Variants in CDADC1 observed in about 807,000 individuals in gnomAD.
The protein encoded by CDADC1 is cytidine and dCMP deaminase domain containing 1.
CDADC1 carries 39 observed loss-of-function variants against 54.9 expected under a neutral mutation model. The observed-to-expected ratio is 0.71, with a 90% CI of 0.55 to 0.93. The LOEUF is 0.93. Ranked by LOEUF, CDADC1 falls within the 40% of genes least tolerant of loss-of-function variation. The probability of loss-of-function intolerance (pLI) is 0.00; values close to 1 mark genes in which losing one functional copy is unlikely to be tolerated. For synonymous variants in CDADC1, 186 were observed against 204.0 expected (o/e 0.91, Z 0.75); for missense variants, 518 against 618.8 (o/e 0.84, Z 1.73).
intron 4 of CDADC1, among the ~76,000 whole-genome samples, chr13:49,263,146 T>C (rs981261069): frequency 3.3e-5 from 5 of 152,186 alleles, no homozygotes; most frequent in African/African-American, 1.2e-4. Flanking sequence ...GAACTGACAA[T>C]GGTTAGTTAG....
chr13:49,265,900 T>C, intron 4 of CDADC1: 8 of 1,303,180 alleles, frequency 6.1e-6, no homozygotes, highest in South Asian at 3.7e-5. Flanking sequence ...GCAGCTAAGA[T>C]GCCTAGATGA....
At position 49,259,541 on chromosome 13, in the gene CDADC1, T is replaced by G. The variant is rs190853335; in HGVS notation, c.430+18T>G. 1 of 1,610,926 alleles carries G rather than the reference T, an allele frequency of 6.2e-7. No individual in the cohort carries two copies. Among genetic ancestry groups the G allele is most frequent in the African/African-American group, 1.3e-5 (1 of 74,886 alleles). ...TGTAAATGGTAAGTGCAGAAAAGGG[T>G]TTGTTGGGGATTAAGAGTATTTATC... is the stretch of plus-strand genomic sequence containing the variant. On this transcript the variant is annotated intron_variant, in intron 4 of 9. Coordinates refer to ENST00000251108, the MANE Select transcript of CDADC1 (RefSeq NM_030911.4).
chr13:49,249,104 C>T (rs1381502064), intron 2 of CDADC1, 139 bp downstream of exon 2: 3 of 611,842 alleles, frequency 4.9e-6, no homozygotes, highest in Non-Finnish European at 8.7e-6. Flanking sequence ...ATTAACATGA[C>T]ACTTTATAAT....
intron 6 of CDADC1, among the ~76,000 whole-genome samples, chr13:49,277,064 G>GACCCTAGACAATTA (rs1362996916): frequency 1.3e-5 from 2 of 152,144 alleles, no homozygotes; most frequent in African/African-American, 4.8e-5. Context: ...CTCATTTTGT[G>GACCCTAGACAATTA]ACCCTAGACA....
chr13:49,275,689 TTATATATATATATA>T (rs371106804), intron 6 of CDADC1, among the ~76,000 whole-genome samples: 1,283 of 43,044 alleles, frequency 0.03, 58 homozygotes, highest in Admixed American at 0.041. Flanking sequence ...TTTCTAGGTG[TTATATATATATATA>T]TATATATATA....
chr13:49,259,456 G>T lies in CDADC1; in HGVS notation c.363G>T (p.Arg121Ser), dbSNP rs1298922055. 3.1e-6 allele frequency: 5 copies of T among 1,613,950 alleles called. No individual in the cohort carries two copies. The highest frequency in any genetic ancestry group is 4.2e-6 in the Non-Finnish European group (5 of 1,179,990). The stretch of plus-strand genomic sequence containing the variant: ...TTGCTCTTATTAAACATGGGTCAAG[G>T]CTGAAAAACTGTGATCTTTATTTTT... Reference protein sequence around the residue: ...GQIALIKHGSRLKNCDLYFSR... With the variant: ...GQIALIKHGSSLKNCDLYFSR... The change falls in exon 4 of 10, where the codon AGG (arginine) becomes AGT (serine). Residue 121 changes from arginine (R) to serine (S), a missense_variant. Coordinates refer to ENST00000251108, the MANE Select transcript of CDADC1 (RefSeq NM_030911.4).
At chr13:49,254,128 T>C (rs1952491509) in intron 2 of CDADC1, among the ~76,000 whole-genome samples, 1 of 152,176 alleles carries the variant, frequency 6.6e-6, no homozygotes, top group African/African-American at 2.4e-5. Flanking sequence ...GCAGTAGATG[T>C]TAGGTACTGT....
chr13:49,259,046 G>C (rs535809224), intron 3 of CDADC1, among the ~76,000 whole-genome samples: 2 of 152,216 alleles, frequency 1.3e-5, no homozygotes, highest in African/African-American at 4.8e-5. Flanking sequence ...AAGTCAAATT[G>C]ATCTAGTTCT....
At chr13:49,291,152 G>C (rs1432076800) in intron 9 of CDADC1, among the ~76,000 whole-genome samples, 1 of 145,068 alleles carries the variant, frequency 6.9e-6, no homozygotes, top group African/African-American at 2.5e-5. Context: ...GTACACTGTT[G>C]AGTGAATTCA....
At chr13:49,259,579 G>A in intron 4 of CDADC1, 56 bp downstream of exon 4, 4 of 1,534,964 alleles carry the variant, frequency 2.6e-6, no homozygotes, top group Non-Finnish European at 3.6e-6. Flanking sequence ...GGATGGGCGT[G>A]GTGGTTTATG....
rs149094371 is a variant in CDADC1 at position 49,268,549 on chromosome 13, C to T, written c.1000+490C>T. On this transcript the variant is annotated intron_variant, in intron 5 of 9. Coordinates refer to ENST00000251108, the MANE Select transcript of CDADC1 (RefSeq NM_030911.4). ...GTCTGGTGGTGCGTGCCTATAGTCC[C>T]GGCTACTTGGGAGGCTAAAGCAGGA... is the stretch of plus-strand genomic sequence containing the variant. Among the ~76,000 whole-genome samples the T allele has an allele frequency of 4.7e-3, 713 of 152,082 alleles. 4 individuals are homozygous for T. Among genetic ancestry groups the T allele is most frequent in the African/African-American group, 0.016 (652 of 41,480 alleles).
intron 8 of CDADC1, among the ~76,000 whole-genome samples, chr13:49,282,236 G>GGTTTTTTTTTTT (rs1555315245): frequency 4.2e-5 from 4 of 94,146 alleles, no homozygotes; most frequent in Admixed American, 1.2e-4. Flanking sequence ...GTTTTTGTGG[G>GGTTTTTTTTTTT]TTTTTTTTTT....
intron 5 of CDADC1, among the ~76,000 whole-genome samples, chr13:49,270,153 G>A (rs1019383413): frequency 6.6e-6 from 1 of 152,168 alleles, no homozygotes; most frequent in Non-Finnish European, 1.5e-5. Context: ...TTTATCCAAA[G>A]ATAAAGGGTC....
intron 4 of CDADC1, among the ~76,000 whole-genome samples, chr13:49,265,482 T>C (rs1245335487): frequency 6.6e-6 from 1 of 152,216 alleles, no homozygotes; most frequent in Non-Finnish European, 1.5e-5. Context: ...TCCACTCTTC[T>C]TAATTTTCCA....
chr13:49,260,875 T>C (rs1256001276), intron 4 of CDADC1, among the ~76,000 whole-genome samples: 1 of 152,056 alleles, frequency 6.6e-6, no homozygotes, highest in African/African-American at 2.4e-5. Flanking sequence ...AGAGGAGAAA[T>C]AGTGATCCCT....
chr13:49,248,074 G>T lies in CDADC1; in HGVS notation c.37G>T (p.Ala13Ser). 6.4e-7 allele frequency: 1 copy of T among 1,553,868 alleles called. No individual in the cohort carries two copies. The highest frequency in any genetic ancestry group is 8.7e-7 in the Non-Finnish European group (1 of 1,148,368). ...EAGQMQNLES[A>S]RAGRSVSTQT... ...TGGGCAGATGCAAAATCTGGAGAGCGCGAGGGCCGGGCGGTCAGTCAGCAC... is the reference window on the plus strand; with the variant it reads ...TGGGCAGATGCAAAATCTGGAGAGCTCGAGGGCCGGGCGGTCAGTCAGCAC... Residue 13 changes from alanine (A) to serine (S), a missense_variant, in exon 1 of 10, where the codon GCG becomes TCG. Coordinates refer to ENST00000251108, the MANE Select transcript of CDADC1 (RefSeq NM_030911.4).
chr13:49,274,117 T>G (rs1235382528), intron 5 of CDADC1, among the ~76,000 whole-genome samples, 174 bp from the exon 6 acceptor site: 1 of 152,236 alleles, frequency 6.6e-6, no homozygotes, highest in Non-Finnish European at 1.5e-5. Context: ...GCTCCCATAT[T>G]CCATACTTAA....
intron 5 of CDADC1, among the ~76,000 whole-genome samples, chr13:49,272,651 C>CTTTTTT (rs1224230451): frequency 1.4e-5 from 2 of 145,070 alleles, no homozygotes; most frequent in Non-Finnish European, 1.5e-5. Context: ...TCAAGGATTT[C>CTTTTTT]TTTTTCTTTT....
In CDADC1 at chr13:49,275,691, A is replaced by T. The variant is rs201251912; in HGVS notation, c.1050+1351A>T. Reference sequence around the variant, plus strand: ...CTGAATTTTAAATTTTCTAGGTGTTATATATATATATATATATATATATAT... The same window carrying T: ...CTGAATTTTAAATTTTCTAGGTGTTTTATATATATATATATATATATATAT... On this transcript the variant is annotated intron_variant, in intron 6 of 9. Coordinates refer to ENST00000251108, the MANE Select transcript of CDADC1 (RefSeq NM_030911.4). Among the ~76,000 whole-genome samples, 169 of 17,240 alleles carry T rather than the reference A, an allele frequency of 9.8e-3. 4 individuals carry two copies. Among genetic ancestry groups the T allele is most frequent in the East Asian group, 0.084 (42 of 502 alleles). The allele number at this position is 17,240 out of a possible 152,430, so 11.3% of individuals were successfully genotyped here. A position where few individuals can be genotyped will look rare whatever the true frequency, so the allele number is the denominator to read the frequency against.
Sources: gnomAD v4.1 joint callset for allele counts (sites outside exome capture counted in the v4.1 genomes callset) on GRCh38, gnomAD v4.1.1 for gene constraint, MANE v1.5 for transcripts, NCBI Gene and HGNC (gene_info 2026-07-23, HGNC 2026-07-21) for gene names.